The following IMPG2 variants were observed in gnomAD, a reference collection of about 807,000 sequenced individuals.
IMPG2 encodes interphotoreceptor matrix proteoglycan 2.
Under a neutral mutation model 129.2 loss-of-function variants are expected in IMPG2, and 91 were observed. The observed-to-expected ratio is 0.70, with a 90% CI of 0.59 to 0.84. The LOEUF (loss-of-function observed/expected upper bound fraction) is 0.84. Among genes scored for constraint, IMPG2 ranks in the 40% least tolerant of loss-of-function variants. IMPG2 has a pLI of 0.00. For synonymous variants in IMPG2, 510 were observed against 517.7 expected (o/e 0.99, Z 0.20); for missense variants, 1,430 against 1,461.7 (o/e 0.98, Z 0.35).
chr3:101,253,767 G>T lies in IMPG2; in HGVS notation c.1168C>A (p.Arg390Ser), dbSNP rs531354781. The T allele has an allele frequency of 3.4e-5, 54 of 1,609,132 alleles. 1 individual carries two copies. In the South Asian group the frequency reaches 5.3e-4, roughly 16 times the overall value. The part of the protein sequence containing the change: ...LQLINVRGVL[R>S]HQTEDLVWNT... ...CAAACTAGATCTTCAGTTTGGTGAC[G>T]CAAAACTCCTCTCACTGAGGAAAGA... The change falls in exon 11 of 19, where the codon CGT (arginine) becomes AGT (serine). Residue 390 changes from arginine (R) to serine (S), a missense_variant. Physicochemically the swap from Arg to Ser is moderately radical, Grantham distance 110 (BLOSUM62 -1). Transcript: ENST00000193391.
At chr3:101,270,882 C>T (rs1706775692) in intron 7 of IMPG2, among the ~76,000 whole-genome samples, 1 of 152,100 alleles carries the variant, frequency 6.6e-6, no homozygotes, top group Non-Finnish European at 1.5e-5. Context: ...AGGTGACAGC[C>T]TCACCAGATG....
chr3:101,265,991 C>A (rs1706717382), intron 9 of IMPG2, among the ~76,000 whole-genome samples: 3 of 151,964 alleles, frequency 2.0e-5, no homozygotes, highest in Admixed American at 2.0e-4. Flanking sequence ...AAATCAAAAC[C>A]AAAATGAAGT....
In IMPG2 at chr3:101,226,532, C is replaced by A; in HGVS notation, c.*437G>T. 1 of 158,346 alleles carries A rather than the reference C, an allele frequency of 6.3e-6. No homozygotes were observed. The allele number at this position is 158,346 out of a possible 1,614,324, so 9.8% of individuals were successfully genotyped here. A position where few individuals can be genotyped will look rare whatever the true frequency, so the allele number is the denominator to read the frequency against. On this transcript the variant is annotated 3_prime_UTR_variant, in exon 19 of 19. Transcript: ENST00000193391. ...ACTATTTCAAAGGTTTCCCCTTCTA[C>A]CCAACAATAACAAATATGCTCCAAA...
At chr3:101,248,980 C>G (rs963975252) in intron 11 of IMPG2, among the ~76,000 whole-genome samples, 1 of 152,134 alleles carries the variant, frequency 6.6e-6, no homozygotes, top group Non-Finnish European at 1.5e-5. Flanking sequence ...GCAGATCAAA[C>G]GACAAGAGGA....
At chr3:101,289,924 G>T (rs1706986827) in intron 4 of IMPG2, among the ~76,000 whole-genome samples, 1 of 150,352 alleles carries the variant, frequency 6.7e-6, no homozygotes, top group African/African-American at 2.5e-5. Flanking sequence ...GAGAAAGAAA[G>T]AGAAAAGAAT....
intron 2 of IMPG2, among the ~76,000 whole-genome samples, chr3:101,316,295 ACAT>A (rs1355990281): frequency 2.6e-5 from 4 of 152,062 alleles, no homozygotes; most frequent in Admixed American, 6.6e-5. Flanking sequence ...TCCTTAAAAT[ACAT>A]CATCAAGAAA....
intron 11 of IMPG2, among the ~76,000 whole-genome samples, chr3:101,252,366 A>C (rs1706554091): frequency 6.6e-6 from 1 of 152,156 alleles, no homozygotes; most frequent in Non-Finnish European, 1.5e-5. Flanking sequence ...TATGATTCTA[A>C]AATATCATCA....
chr3:101,290,664 C>T (rs1252444166), intron 4 of IMPG2, among the ~76,000 whole-genome samples: 1 of 152,104 alleles, frequency 6.6e-6, no homozygotes. Flanking sequence ...CTTTCCTATT[C>T]ATTTGTGTTT....
At position 101,222,826 on chromosome 3, in the gene IMPG2, T is replaced by A. The variant is rs938158679; in HGVS notation, c.*4143A>T. Reference sequence around the variant, plus strand: ...ACACTATTGCTTAAGTATCATCACATAGTCCTGATATATGAAAAATTATAC... The same window carrying A: ...ACACTATTGCTTAAGTATCATCACAAAGTCCTGATATATGAAAAATTATAC... On this transcript the variant is annotated 3_prime_UTR_variant, in exon 19 of 19. Coordinates refer to ENST00000193391, the MANE Select transcript of IMPG2 (RefSeq NM_016247.4). 6.6e-6 allele frequency: 1 copy of A among 152,212 alleles called. No homozygotes were observed. The highest frequency in any genetic ancestry group is 1.5e-5 in the Non-Finnish European group (1 of 68,040). The allele number at this position is 152,212 out of a possible 1,614,324, so 9.4% of individuals were successfully genotyped here. A position where few individuals can be genotyped will look rare whatever the true frequency, so the allele number is the denominator to read the frequency against.
At chr3:101,303,203 T>C (rs567647434) in intron 3 of IMPG2, among the ~76,000 whole-genome samples, 2 of 152,298 alleles carry the variant, frequency 1.3e-5, no homozygotes, top group East Asian at 3.9e-4. Flanking sequence ...AATGTGGTTA[T>C]TGCTCATATA....
chr3:101,276,512 A>G (rs1706841704), intron 5 of IMPG2, 152 bp downstream of exon 5: 2 of 632,136 alleles, frequency 3.2e-6, no homozygotes, highest in Non-Finnish European at 5.6e-6. Context: ...ATTTTTAAAA[A>G]TTACTTTTTC....
intron 8 of IMPG2, among the ~76,000 whole-genome samples, chr3:101,269,306 A>G (rs543716110): frequency 6.6e-6 from 1 of 152,334 alleles, no homozygotes; most frequent in Non-Finnish European, 1.5e-5. Context: ...TAGACCTAAT[A>G]TATCTCTTTG....
chr3:101,226,253 A>ATATATATATATATATATATATATT lies in IMPG2; in HGVS notation c.*715_*716insAATATATATATATATATATATATA, dbSNP rs1706222317. Reference sequence around the variant, plus strand: ...TATATATATATATATATATATATATATATATATATATATATATATATATAT... The same window carrying ATATATATATATATATATATATATT: ...TATATATATATATATATATATATATATATATATATATATATATATATATTTATATATATATATATATATATATAT... On this transcript the variant is annotated 3_prime_UTR_variant, in exon 19 of 19. Transcript: ENST00000193391. 1 of 27,020 alleles carries ATATATATATATATATATATATATT rather than the reference A, an allele frequency of 3.7e-5. No homozygotes were observed. The highest frequency in any genetic ancestry group is 1.0e-4 in the African/African-American group (1 of 9,576). The allele number at this position is 27,020 out of a possible 1,614,324, so 1.7% of individuals were successfully genotyped here.
At chr3:101,273,068 C>A (rs1706804440) in intron 7 of IMPG2, among the ~76,000 whole-genome samples, 1 of 152,064 alleles carries the variant, frequency 6.6e-6, no homozygotes, top group Non-Finnish European at 1.5e-5. Context: ...TAAAGAAATC[C>A]CTTTTTAAAA....
rs1706230302 is a variant in IMPG2 at position 101,226,866 on chromosome 3, T to A, written c.*103A>T. 8.0e-7 allele frequency: 1 copy of A among 1,248,028 alleles called. No individual in the cohort carries two copies. Among genetic ancestry groups the A allele is most frequent in the Admixed American group, 2.0e-5 (1 of 50,954 alleles). The allele number at this position is 1,248,028 out of a possible 1,614,324, so 77.3% of individuals were successfully genotyped here. A position where few individuals can be genotyped will look rare whatever the true frequency, so the allele number is the denominator to read the frequency against. On this transcript the variant is annotated 3_prime_UTR_variant, in exon 19 of 19. Transcript: ENST00000193391. The stretch of plus-strand genomic sequence containing the variant: ...TATTTAATTTTTTCATAGAAAACTC[T>A]TCTTCCAACAGTGTTTAAAATCCAG...
At chr3:101,262,499 T>C (rs1208408110) in intron 9 of IMPG2, among the ~76,000 whole-genome samples, 2 of 152,048 alleles carry the variant, frequency 1.3e-5, no homozygotes, top group Non-Finnish European at 2.9e-5. Context: ...CAATGCTGAA[T>C]AATTTTGAAA....
At position 101,256,145 on chromosome 3, in the gene IMPG2, A is replaced by AAAAGAAAGAAAGAAAG. The variant is rs57933330; in HGVS notation, c.1153+1368_1153+1383dup. On this transcript the variant is annotated intron_variant, in intron 10 of 18. Transcript: ENST00000193391. ...GAAAGAGAGAAAGAAAGAAAGAAAG[A>AAAAGAAAGAAAGAAAG]AAAGAAAGAAAGAAAGAAAGAAAGA... Among the ~76,000 whole-genome samples the AAAAGAAAGAAAGAAAG allele has an allele frequency of 3.3e-3, 256 of 77,572 alleles. 1 individual carries two copies. The highest frequency in any genetic ancestry group is 6.3e-3 in the Middle Eastern group (1 of 160). The allele number at this position is 77,572 out of a possible 152,430, so 50.9% of individuals were successfully genotyped here.
At chr3:101,236,728 C>G (rs2107211931) in intron 14 of IMPG2, among the ~76,000 whole-genome samples, 1 of 152,288 alleles carries the variant, frequency 6.6e-6, no homozygotes, top group Admixed American at 6.5e-5. Context: ...CCCTTGGGTG[C>G]CTATACCACT....
chr3:101,318,487 T>C (rs1396332323), intron 2 of IMPG2, among the ~76,000 whole-genome samples: 1 of 152,058 alleles, frequency 6.6e-6, no homozygotes, highest in Non-Finnish European at 1.5e-5. Flanking sequence ...TATATAAATA[T>C]GTGTAATAGC....
Sources: gnomAD v4.1 joint callset for allele counts (sites outside exome capture counted in the v4.1 genomes callset) on GRCh38, gnomAD v4.1.1 for gene constraint, MANE v1.5 for transcripts, NCBI Gene and HGNC (gene_info 2026-07-23, HGNC 2026-07-21) for gene names.